CACNA1E: variants seen among roughly 807,000 people sequenced by gnomAD.
CACNA1E encodes calcium voltage-gated channel subunit alpha1 E, also known as voltage-dependent R-type calcium channel subunit alpha-1E.
CACNA1E carries 40 observed loss-of-function variants against 259.2 expected under a neutral mutation model. That is an observed-to-expected ratio of 0.15 (90% CI 0.12 to 0.20). The LOEUF (loss-of-function observed/expected upper bound fraction) is 0.20. Ranked by LOEUF, CACNA1E falls within the 10% of genes least tolerant of loss-of-function variation. CACNA1E has a pLI of 1.00. For missense variants in CACNA1E, 1,874 were observed against 3,040.1 expected (o/e 0.62, Z 9.02); for synonymous variants, 1,104 against 1,138.5 (o/e 0.97, Z 0.61).
chr1:181,363,173 A>C (rs2101924942), intron 1 of CACNA1E, among the ~76,000 whole-genome samples: 1 of 152,304 alleles, frequency 6.6e-6, no homozygotes, highest in Middle Eastern at 3.4e-3. Flanking sequence ...AAGAAGCCTA[A>C]AATCTCATCC....
chr1:181,720,247 G>A lies in CACNA1E; in HGVS notation c.1793G>A (p.Ser598Asn). ...CGGAATTTGGTGGTCTCCTTGATGAGCTCAATGAAGTCTATCATCAGTTTG... is the reference window on the plus strand; with the variant it reads ...CGGAATTTGGTGGTCTCCTTGATGAACTCAATGAAGTCTATCATCAGTTTG... ...SLRNLVVSLM[S>N]SMKSIISLLF... Residue 598 changes from serine (S) to asparagine (N), a missense_variant, in exon 14 of 48, where the codon AGC (serine) becomes AAC (asparagine). Physicochemically the swap from Ser to Asn is conservative, Grantham distance 46. Around this residue, in one of 14 missense-constraint regions of CACNA1E, gnomAD observed 102 missense variants for 279.4 expected, o/e 0.37. Coordinates refer to ENST00000367573, the MANE Select transcript of CACNA1E (RefSeq NM_001205293.3). 1 of 1,613,768 alleles carries A rather than the reference G, an allele frequency of 6.2e-7. No homozygotes were observed. The highest frequency in any genetic ancestry group is 1.1e-5 in the South Asian group (1 of 91,058).
intron 8 of CACNA1E, among the ~76,000 whole-genome samples, chr1:181,714,539 T>G (rs1258994308): frequency 6.6e-6 from 1 of 152,038 alleles, no homozygotes; most frequent in Non-Finnish European, 1.5e-5. Flanking sequence ...TCCCTAGAAG[T>G]GGGAGTAGGG....
intron 7 of CACNA1E, among the ~76,000 whole-genome samples, chr1:181,696,161 AG>A (rs1651683401): frequency 6.6e-6 from 1 of 152,230 alleles, no homozygotes; most frequent in African/African-American, 2.4e-5. Flanking sequence ...GATGCCATTA[AG>A]AAAATGAATA....
intron 7 of CACNA1E, among the ~76,000 whole-genome samples, chr1:181,696,151 G>A (rs764246107): frequency 1.3e-5 from 2 of 150,672 alleles, no homozygotes; most frequent in Non-Finnish European, 3.0e-5. Context: ...TTTATCAAAA[G>A]ATGCCATTAA....
At chr1:181,791,299 G>A (rs895366387) in intron 44 of CACNA1E, among the ~76,000 whole-genome samples, 2 of 152,112 alleles carry the variant, frequency 1.3e-5, no homozygotes, top group South Asian at 2.1e-4. Flanking sequence ...GTGAAACCCC[G>A]TCTCTACTAA....
rs151305242 is a variant in CACNA1E at position 181,694,367 on chromosome 1, C to G, written c.1056-16587C>G. Among the ~76,000 whole-genome samples the G allele has an allele frequency of 1.6e-3, 250 of 152,258 alleles. 1 individual carries two copies. Among genetic ancestry groups the G allele is most frequent in the African/African-American group, 5.7e-3 (237 of 41,558 alleles). ...GAACTTTCTCAGTCTGATGAAATGG[C>G]ATTGCTATTGTTTGAATGTGTTTTC... is the stretch of plus-strand genomic sequence containing the variant. On this transcript the variant is annotated intron_variant, in intron 7 of 47. Coordinates refer to ENST00000367573, the MANE Select transcript of CACNA1E (RefSeq NM_001205293.3).
In CACNA1E at chr1:181,460,284, T is replaced by G. The variant is rs540212321; in HGVS notation, c.435-23460T>G. On this transcript the variant is annotated intron_variant, in intron 2 of 11. Coordinates refer to the CACNA1E transcript ENST00000524607. ...GAGAATAGATTGAAGGAAGGCAGGA[T>G]GAGCAGTGGGCAGGCTACTATCACA... 1.2e-4 allele frequency among the ~76,000 whole-genome samples: 19 copies of G among 152,264 alleles called. No homozygotes were observed. The South Asian group carries it at 1.7e-3, about 13-fold the overall frequency.
intron 3 of CACNA1E, among the ~76,000 whole-genome samples, chr1:181,546,721 A>G (rs1382160177): frequency 6.6e-6 from 1 of 152,148 alleles, no homozygotes; most frequent in African/African-American, 2.4e-5. Flanking sequence ...GTGCACATTC[A>G]TCAGCTCCTG....
chr1:181,418,742 G>A (rs1266326750), intron 2 of CACNA1E, among the ~76,000 whole-genome samples: 1 of 151,788 alleles, frequency 6.6e-6, no homozygotes, highest in African/African-American at 2.4e-5. Flanking sequence ...CTCAATTCTT[G>A]CCAATCCCCA....
chr1:181,401,236 T>A (rs1174538278), intron 1 of CACNA1E, among the ~76,000 whole-genome samples: 1 of 152,124 alleles, frequency 6.6e-6, no homozygotes, highest in East Asian at 1.9e-4. Flanking sequence ...CCACACTGTT[T>A]CAGTTGCAGT....
At chr1:181,338,713 A>G (rs1377491103) in intron 1 of CACNA1E, among the ~76,000 whole-genome samples, 2 of 152,058 alleles carry the variant, frequency 1.3e-5, no homozygotes, top group Admixed American at 1.3e-4. Flanking sequence ...TTTTGGTGTG[A>G]TATTCAAAAA....
intron 2 of CACNA1E, among the ~76,000 whole-genome samples, chr1:181,424,828 G>A (rs1423914376): frequency 6.6e-6 from 1 of 151,970 alleles, no homozygotes; most frequent in Non-Finnish European, 1.5e-5. Flanking sequence ...GGATCGGCCC[G>A]TTCTGTGCTT....
intron 7 of CACNA1E, among the ~76,000 whole-genome samples, chr1:181,686,331 G>A (rs1017216389): frequency 2.4e-5 from 3 of 123,786 alleles, no homozygotes; most frequent in African/African-American, 9.2e-5. Context: ...TTGTTGCCCA[G>A]GCTGGAGTGC....
intron 1 of CACNA1E, among the ~76,000 whole-genome samples, chr1:181,393,313 A>AT (rs1283732925): frequency 6.6e-6 from 1 of 152,236 alleles, no homozygotes; most frequent in Non-Finnish European, 1.5e-5. Flanking sequence ...CAGCATTATC[A>AT]TAGGATTAAA....
intron 6 of CACNA1E, among the ~76,000 whole-genome samples, chr1:181,648,159 A>G (rs559923080): frequency 6.6e-6 from 1 of 152,338 alleles, no homozygotes; most frequent in South Asian, 2.1e-4. Flanking sequence ...GGCTATGAGA[A>G]TGAATTGTAT....
At position 181,594,687 on chromosome 1, in the gene CACNA1E, C is replaced by T. The variant is rs1021446418; in HGVS notation, c.951+13911C>T. Among the ~76,000 whole-genome samples, 11 of 152,308 alleles carry T rather than the reference C, an allele frequency of 7.2e-5. No individual in the cohort carries two copies. In the South Asian group the frequency reaches 8.3e-4, roughly 11 times the overall value. The stretch of plus-strand genomic sequence containing the variant: ...TGCTGGGATTACAGACATGAGCCAC[C>T]GCACCTGGCTGCAAGTTTTGTTTCT... On this transcript the variant is annotated intron_variant, in intron 6 of 47. Transcript: ENST00000367573.
intron 6 of CACNA1E, among the ~76,000 whole-genome samples, chr1:181,615,435 G>A (rs749979028): frequency 4.6e-5 from 7 of 152,072 alleles, no homozygotes; most frequent in African/African-American, 9.7e-5. Flanking sequence ...TGATCTGCTC[G>A]CCTCGGCCTC....
intron 3 of CACNA1E, among the ~76,000 whole-genome samples, chr1:181,513,960 T>G (rs1666355832): frequency 1.3e-5 from 2 of 152,336 alleles, no homozygotes; most frequent in East Asian, 3.9e-4. Flanking sequence ...CACAGGACTT[T>G]GCTCCTGCTC....
chr1:181,732,428 G>C lies in CACNA1E; in HGVS notation c.2342G>C (p.Arg781Pro). 1 of 1,547,180 alleles carries C rather than the reference G, an allele frequency of 6.5e-7. No homozygotes were observed. Among genetic ancestry groups the C allele is most frequent in the Non-Finnish European group, 8.7e-7 (1 of 1,144,906 alleles). Residue 781 changes from arginine to proline, a missense_variant, in exon 20 of 48, where the codon CGT becomes CCT. By Grantham distance (103) the Arg-to-Pro change is moderately radical (BLOSUM62 -2). Coordinates refer to ENST00000367573, the MANE Select transcript of CACNA1E (RefSeq NM_001205293.3). The surrounding 1 kb of genome is among the most constrained non-coding windows in gnomAD (Gnocchi z 5.5). ...CACCACATGTCCGTGTGGGAGCAGCGTACCAGCCAGCTGAGGAAGCACATG... is the reference window on the plus strand; with the variant it reads ...CACCACATGTCCGTGTGGGAGCAGCCTACCAGCCAGCTGAGGAAGCACATG... ...RRHHMSVWEQ[R>P]TSQLRKHMQM...
Sources: gnomAD v4.1 joint callset for allele counts (sites outside exome capture counted in the v4.1 genomes callset) on GRCh38, gnomAD v4.1.1 for gene constraint, gnomAD v4.1.1 regional missense constraint, Gnocchi (gnomAD v3.1) non-coding constraint, MANE v1.5 for transcripts, NCBI Gene and HGNC (gene_info 2026-07-23, HGNC 2026-07-21) for gene names.